POLR1D: variants seen among roughly 807,000 people sequenced by gnomAD.
POLR1D encodes RNA polymerase I and III subunit D, also known as DNA-directed RNA polymerases I and III subunit RPAC2.
POLR1D carries 8 observed loss-of-function variants against 10.8 expected under a neutral mutation model. The observed-to-expected ratio is 0.74, with a 90% CI of 0.43 to 1.33. The LOEUF is 1.33. Among genes scored for constraint, POLR1D ranks in the 40% most tolerant of loss-of-function variants. The pLI is 0.01. For missense variants in POLR1D, 152 were observed against 161.7 expected (o/e 0.94, Z 0.32); for synonymous variants, 54 against 57.2 (o/e 0.94, Z 0.25).
At chr13:27,622,799 A>T (rs1955961571) in intron 1 of POLR1D, 76 bp from the exon 2 acceptor site, 4 of 885,444 alleles carry the variant, frequency 4.5e-6, no homozygotes, top group South Asian at 4.3e-5. Flanking sequence ...TTGCAATGTG[A>T]TATAGTAAAT....
At chr13:27,643,873 G>A (rs560709169) in intron 1 of POLR1D, among the ~76,000 whole-genome samples, 100 of 152,316 alleles carry the variant, frequency 6.6e-4, no homozygotes, top group African/African-American at 2.3e-3. Flanking sequence ...TAAGAAGTCT[G>A]TATTCTTGTC....
intron 1 of POLR1D, among the ~76,000 whole-genome samples, chr13:27,645,134 C>T (rs1017902358): frequency 4.6e-5 from 7 of 152,164 alleles, no homozygotes; most frequent in Non-Finnish European, 1.0e-4. Context: ...TGGGAAGTAG[C>T]GAATGCTCAA....
At chr13:27,655,077 A>T (rs148981442) in intron 2 of POLR1D, among the ~76,000 whole-genome samples, 3 of 152,234 alleles carry the variant, frequency 2.0e-5, no homozygotes, top group East Asian at 3.8e-4. Flanking sequence ...TAGGAGGAGA[A>T]AAAAGGAGAC....
rs776525888 is a variant in POLR1D, at chr13:27,622,905, T to G, written c.57T>G (p.Ala19=). ...TATCTGGATTGAAGACCTCAATGGC[T>G]GAAGGCGAGAGGAAGACAGCCCTGG... The part of the protein sequence containing the change: ...RKISGLKTSM[A]EGERKTALEM... The change falls in exon 2 of 2, where the codon GCT becomes GCG. Residue 19 remains alanine (A), a synonymous_variant. Coordinates refer to ENST00000302979, the MANE Select transcript of POLR1D (RefSeq NM_015972.4). The G allele has an allele frequency of 3.7e-6, 6 of 1,611,156 alleles. No individual in the cohort carries two copies. In the South Asian group the frequency reaches 6.6e-5, roughly 18 times the overall value.
chr13:27,631,176 T>C (rs1282454828), intron 1 of POLR1D, among the ~76,000 whole-genome samples: 1 of 152,166 alleles, frequency 6.6e-6, no homozygotes, highest in African/African-American at 2.4e-5. Context: ...GGAGCTTAGC[T>C]GGGTGATTTT....
At chr13:27,631,453 C>G (rs1956072568) in intron 1 of POLR1D, among the ~76,000 whole-genome samples, 1 of 152,176 alleles carries the variant, frequency 6.6e-6, no homozygotes, top group African/African-American at 2.4e-5. Flanking sequence ...CCAGCCCACA[C>G]TTGAGAGCGA....
chr13:27,659,359 G>A (rs1344339511), intron 2 of POLR1D, among the ~76,000 whole-genome samples: 2 of 152,122 alleles, frequency 1.3e-5, no homozygotes, highest in Non-Finnish European at 2.9e-5. Context: ...ATGAGGAGGG[G>A]AGCAAGGGCT....
At chr13:27,658,914 G>C (rs1956332139) in intron 2 of POLR1D, among the ~76,000 whole-genome samples, 1 of 152,138 alleles carries the variant, frequency 6.6e-6, no homozygotes, top group Non-Finnish European at 1.5e-5. Context: ...AGTGCCTGTG[G>C]AACTTCAGCC....
chr13:27,642,871 G>A (rs1041428867), intron 1 of POLR1D, among the ~76,000 whole-genome samples: 1 of 152,072 alleles, frequency 6.6e-6, no homozygotes, highest in African/African-American at 2.4e-5. Flanking sequence ...TTCCACCACT[G>A]CTTAAAATAC....
intron 1 of POLR1D, among the ~76,000 whole-genome samples, chr13:27,630,917 C>T (rs117898402): frequency 0.043 from 6,611 of 152,228 alleles, 195 homozygotes; most frequent in Non-Finnish European, 0.066. Context: ...GTGACTCTGC[C>T]ACGCTGGCCT....
At chr13:27,637,698 T>C (rs1326858093) in intron 1 of POLR1D, among the ~76,000 whole-genome samples, 1 of 152,192 alleles carries the variant, frequency 6.6e-6, no homozygotes, top group Non-Finnish European at 1.5e-5. Context: ...CCTACTTAAT[T>C]TCATTGCCGT....
chr13:27,642,980 CT>C (rs1455330433), intron 1 of POLR1D, among the ~76,000 whole-genome samples: 2 of 152,164 alleles, frequency 1.3e-5, no homozygotes, highest in East Asian at 3.9e-4. Flanking sequence ...ACCTTCCAGT[CT>C]TTTACCAGCA....
At chr13:27,635,579 AACAT>A (rs1282419373) in intron 1 of POLR1D, among the ~76,000 whole-genome samples, 1 of 151,942 alleles carries the variant, frequency 6.6e-6, no homozygotes, top group Non-Finnish European at 1.5e-5. Context: ...TATTTTAGTT[AACAT>A]ACATAACTAT....
At chr13:27,627,836 A>C (rs1355815647), downstream of POLR1D, among the ~76,000 whole-genome samples, 1 of 149,422 alleles carries the variant, frequency 6.7e-6, no homozygotes, top group Non-Finnish European at 1.5e-5. Flanking sequence ...GTCCAGGTAT[A>C]ATGTAAGGAG....
At chr13:27,622,758 T>A in intron 1 of POLR1D, 117 bp from the exon 2 acceptor site, 1 of 678,496 alleles carries the variant, frequency 1.5e-6, no homozygotes, top group East Asian at 2.7e-5. Flanking sequence ...CGAATAATTC[T>A]GTGTAGCTGG....
chr13:27,652,769 A>T (rs117230792), intron 2 of POLR1D, among the ~76,000 whole-genome samples: 12,242 of 151,758 alleles, frequency 0.081, 638 homozygotes, highest in Non-Finnish European at 0.11. Flanking sequence ...ACTCAGGCTG[A>T]GGCAGGAGAA....
In POLR1D at chr13:27,636,485, T is replaced by C. The variant is rs1370738359; in HGVS notation, c.27-11894T>C. On this transcript the variant is annotated intron_variant, in intron 1 of 2. Coordinates refer to the POLR1D transcript ENST00000399697. Reference sequence around the variant, plus strand: ...GTTCAGGTAATTAAAATGAAAGTTATAGTGAAAAGATCCTTGAAACTTTTC... The same window carrying C: ...GTTCAGGTAATTAAAATGAAAGTTACAGTGAAAAGATCCTTGAAACTTTTC... Among the ~76,000 whole-genome samples, 11 of 152,214 alleles carry C rather than the reference T, an allele frequency of 7.2e-5. No individual in the cohort carries two copies. In the East Asian group the frequency reaches 1.7e-3, roughly 24 times the overall value.
Position 27,663,068 on chromosome 13 carries a change from C to T in POLR1D, c.102-2618C>T, listed in dbSNP as rs986137332. ...TTCTACCTTAAAGGCCAGAGAAGCT[C>T]TCCCCACTGATTCCCTCAGACATTG... On this transcript the variant is annotated intron_variant, in intron 2 of 2. Coordinates refer to the POLR1D transcript ENST00000399697. This position sits in a 1 kb window ranked among gnomAD's most constrained non-coding sequence, Gnocchi z 4.1. Among the ~76,000 whole-genome samples, 4 of 152,240 alleles carry T rather than the reference C, an allele frequency of 2.6e-5. No homozygotes were observed. The highest frequency in any genetic ancestry group is 9.6e-5 in the African/African-American group (4 of 41,466).
intron 1 of POLR1D, among the ~76,000 whole-genome samples, chr13:27,645,971 A>C (rs1039414674): frequency 3.9e-5 from 6 of 152,204 alleles, no homozygotes; most frequent in African/African-American, 1.4e-4. Flanking sequence ...TCTCTGCAAG[A>C]ATCTTTACTG....
Sources: gnomAD v4.1 joint callset for allele counts (sites outside exome capture counted in the v4.1 genomes callset) on GRCh38, gnomAD v4.1.1 for gene constraint, Gnocchi (gnomAD v3.1) non-coding constraint, MANE v1.5 for transcripts, NCBI Gene and HGNC (gene_info 2026-07-23, HGNC 2026-07-21) for gene names.